The following CLOCK variants were observed in gnomAD, a reference collection of about 807,000 sequenced individuals.
CLOCK encodes the protein circadian locomoter output cycles protein kaput.
A neutral mutation model predicts 118.4 loss-of-function variants in CLOCK; 43 were observed. The observed-to-expected ratio is 0.36, with a 90% CI of 0.28 to 0.47. The LOEUF is 0.47. Ranked by LOEUF, CLOCK falls within the 20% of genes least tolerant of loss-of-function variation. CLOCK has a pLI of 1.00. For synonymous variants in CLOCK, 326 were observed against 339.2 expected (o/e 0.96, Z 0.43); for missense variants, 846 against 999.9 (o/e 0.85, Z 2.08).
intron 7 of CLOCK, among the ~76,000 whole-genome samples, chr4:55,474,378 G>A (rs1045249497): frequency 6.6e-6 from 1 of 152,184 alleles, no homozygotes; most frequent in Non-Finnish European, 1.5e-5. Context: ...GAGGTATAAG[G>A]AAAGAGGCCA....
chr4:55,501,873 C>G (rs568777606), intron 2 of CLOCK, among the ~76,000 whole-genome samples: 1 of 152,304 alleles, frequency 6.6e-6, no homozygotes, highest in Non-Finnish European at 1.5e-5. Context: ...TTCCTCTCCA[C>G]TCTTTCGGAT....
At chr4:55,530,439 A>G (rs941466317) in intron 1 of CLOCK, among the ~76,000 whole-genome samples, 1 of 152,184 alleles carries the variant, frequency 6.6e-6, no homozygotes, top group African/African-American at 2.4e-5. Flanking sequence ...AAGAATTCAC[A>G]ATATTTACAT....
At chr4:55,450,587 G>A (rs1724346989) in intron 15 of CLOCK, among the ~76,000 whole-genome samples, 1 of 152,106 alleles carries the variant, frequency 6.6e-6, no homozygotes, top group Non-Finnish European at 1.5e-5. Context: ...GGCCAACAGG[G>A]TGAAACCCCG....
chr4:55,460,880 T>C (rs1376669252), intron 9 of CLOCK, among the ~76,000 whole-genome samples: 1 of 151,960 alleles, frequency 6.6e-6, no homozygotes, highest in Non-Finnish European at 1.5e-5. Flanking sequence ...GCCTACCACA[T>C]CAAGTCCTAT....
chr4:55,450,787 A>C (rs1353861052), intron 15 of CLOCK, among the ~76,000 whole-genome samples: 1 of 151,704 alleles, frequency 6.6e-6, no homozygotes, highest in African/African-American at 2.4e-5. Flanking sequence ...AAAAACATTA[A>C]CTCAAAATGA....
chr4:55,437,171 A>C (rs1722947437), intron 22 of CLOCK, among the ~76,000 whole-genome samples: 1 of 152,168 alleles, frequency 6.6e-6, no homozygotes, highest in African/African-American at 2.4e-5. Flanking sequence ...AGCCTGTTTT[A>C]GTTTTCTACA....
At chr4:55,439,283 AG>A (rs1269327646) in intron 21 of CLOCK, among the ~76,000 whole-genome samples, 1 of 152,224 alleles carries the variant, frequency 6.6e-6, no homozygotes, top group African/African-American at 2.4e-5. Context: ...ACTAATCATT[AG>A]GGAAATACAA....
chr4:55,475,974 ATT>A lies in CLOCK; in HGVS notation c.335_336del (p.Gln112LeufsTer7). 1 of 1,609,478 alleles carries A rather than the reference ATT, an allele frequency of 6.2e-7. No homozygotes were observed. Among genetic ancestry groups the A allele is most frequent in the Non-Finnish European group, 8.5e-7 (1 of 1,176,076 alleles). ...PTFLSNEEFT[Q>X]LMLEALDGFF... Reference sequence around the variant, plus strand: ...AAATCTGGACATACCTCTAACATTAATTGTGTAAACTCTTCATTACTAAGGAA... The same window carrying A: ...AAATCTGGACATACCTCTAACATTAAGTGTAAACTCTTCATTACTAAGGAA... On this transcript the variant is annotated frameshift_variant, in exon 7 of 23. Transcript: ENST00000513440. LOFTEE classifies it high-confidence loss of function.
chr4:55,495,265 TA>T (rs1727985704), intron 2 of CLOCK, among the ~76,000 whole-genome samples: 1 of 152,206 alleles, frequency 6.6e-6, no homozygotes, highest in African/African-American at 2.4e-5. Context: ...GAACTCATGG[TA>T]CACATCGTCG....
intron 1 of CLOCK, among the ~76,000 whole-genome samples, chr4:55,540,108 A>G (rs1163060294): frequency 6.6e-6 from 1 of 151,432 alleles, no homozygotes; most frequent in Non-Finnish European, 1.5e-5. Flanking sequence ...CCTGGGTTCA[A>G]GCAATTCTCC....
chr4:55,499,655 C>T (rs1414552313), intron 2 of CLOCK, among the ~76,000 whole-genome samples: 1 of 152,196 alleles, frequency 6.6e-6, no homozygotes, highest in Non-Finnish European at 1.5e-5. Flanking sequence ...CCTAACAGGC[C>T]ACAGTACCAA....
At chr4:55,469,096 T>C (rs1725934882) in intron 8 of CLOCK, among the ~76,000 whole-genome samples, 1 of 152,122 alleles carries the variant, frequency 6.6e-6, no homozygotes. Flanking sequence ...GTATTTACTA[T>C]ACTTTTAATG....
chr4:55,463,870 A>T, intron 8 of CLOCK, 65 bp from the exon 9 acceptor site: 1 of 1,482,640 alleles, frequency 6.7e-7, no homozygotes, highest in Admixed American at 1.9e-5. Context: ...CTTTAAAAGT[A>T]CATAATCGCT....
chr4:55,483,565 T>C (rs1034808526), intron 3 of CLOCK, among the ~76,000 whole-genome samples: 3 of 152,126 alleles, frequency 2.0e-5, no homozygotes, highest in Admixed American at 1.3e-4. Context: ...CCACTTAAGT[T>C]TGAGAAGCAA....
chr4:55,479,543 G>A, intron 5 of CLOCK, 97 bp downstream of exon 5: 1 of 1,010,018 alleles, frequency 9.9e-7, no homozygotes. Context: ...AACTCCTAAA[G>A]CACATAGCTT....
intron 1 of CLOCK, among the ~76,000 whole-genome samples, chr4:55,543,365 A>G (rs982085361): frequency 1.3e-5 from 2 of 152,202 alleles, no homozygotes; most frequent in Admixed American, 6.5e-5. Flanking sequence ...GTAGGTAATA[A>G]CAGAGCCCAT....
At chr4:55,505,589 TG>T (rs1728747812) in intron 2 of CLOCK, among the ~76,000 whole-genome samples, 1 of 151,996 alleles carries the variant, frequency 6.6e-6, no homozygotes, top group African/African-American at 2.4e-5. Context: ...AACTAAGCCC[TG>T]GAAGTCCAGG....
rs544152377 is a variant in CLOCK at position 55,479,607 on chromosome 4, T to G, written c.107+33A>C. On this transcript the variant is annotated intron_variant, in intron 5 of 22. Coordinates refer to ENST00000513440, the MANE Select transcript of CLOCK (RefSeq NM_004898.4). ...ACCATTATATTTATCTATTATTCAT[T>G]CATTTACTATTTTATATCTCTAATC... 38 of 1,472,650 alleles carry G rather than the reference T, an allele frequency of 2.6e-5. 1 individual carries two copies. The South Asian group carries it at 3.8e-4, about 15-fold the overall frequency. The allele number at this position is 1,472,650 out of a possible 1,614,324, so 91.2% of individuals were successfully genotyped here.
At chr4:55,472,742 C>T (rs1213892714) in intron 7 of CLOCK, among the ~76,000 whole-genome samples, 4 of 152,056 alleles carry the variant, frequency 2.6e-5, no homozygotes, top group African/African-American at 7.2e-5. Flanking sequence ...TGTCCCCCCC[C>T]TTCTTTTGGG....
Sources: gnomAD v4.1 joint callset for allele counts (sites outside exome capture counted in the v4.1 genomes callset) on GRCh38, gnomAD v4.1.1 for gene constraint, MANE v1.5 for transcripts, NCBI Gene and HGNC (gene_info 2026-07-23, HGNC 2026-07-21) for gene names.